Variants in SH3YL1 observed in about 807,000 individuals in gnomAD.
The protein encoded by SH3YL1 is SH3 and SYLF domain containing 1.
A neutral mutation model predicts 45.8 loss-of-function variants in SH3YL1; 41 were observed. The observed-to-expected ratio is 0.89, with a 90% CI of 0.70 to 1.16. SH3YL1 has a LOEUF of 1.16. Ranked by LOEUF, SH3YL1 falls within the 50% of genes most tolerant of loss-of-function variation. SH3YL1 has a pLI of 0.00. For missense variants in SH3YL1, 389 were observed against 409.6 expected (o/e 0.95, Z 0.43); for synonymous variants, 152 against 151.4 (o/e 1.00, Z -0.03).
rs535130880 is a variant in SH3YL1, at chr2:255,574, G to A, written c.2-2459C>T. 2.6e-5 allele frequency among the ~76,000 whole-genome samples: 4 copies of A among 152,328 alleles called. No individual in the cohort carries two copies. The South Asian group carries it at 6.2e-4, about 24-fold the overall frequency. On this transcript the variant is annotated intron_variant, in intron 1 of 9. Coordinates refer to ENST00000356150, the MANE Select transcript of SH3YL1 (RefSeq NM_015677.4). ...ACTGGGCTACTGCACTCCAGCCTGG[G>A]CAACAGGGCAAAGCCCTGCCTCAAA...
intron 4 of SH3YL1, among the ~76,000 whole-genome samples, chr2:234,598 C>T (rs540877051): frequency 4.6e-5 from 7 of 152,224 alleles, no homozygotes; most frequent in African/African-American, 1.7e-4. Flanking sequence ...TTAGGTAAAC[C>T]GTCAGTGCTA....
At chr2:242,741 C>CAAA (rs2103038742) in intron 4 of SH3YL1, 1 of 1,481,594 alleles carries the variant, frequency 6.7e-7, no homozygotes, top group East Asian at 2.7e-5. Flanking sequence ...ATAACAACAA[C>CAAA]AACAACAACA....
At chr2:222,717 G>T (rs1409427879) in intron 9 of SH3YL1, 1 of 152,284 alleles carries the variant, frequency 6.6e-6, no homozygotes, top group Non-Finnish European at 1.5e-5. Context: ...CTTCCAAAGG[G>T]CAAAGCCAAA....
intron 4 of SH3YL1, among the ~76,000 whole-genome samples, chr2:237,867 T>C (rs192786519): frequency 9.5e-4 from 145 of 152,240 alleles, no homozygotes; most frequent in African/African-American, 3.3e-3. Flanking sequence ...GATGCAAGTG[T>C]TTCAATTAAA....
intron 1 of SH3YL1, 111 bp from the exon 2 acceptor site, chr2:253,226 G>A: frequency 1.5e-6 from 1 of 652,924 alleles, no homozygotes; most frequent in Non-Finnish European, 2.6e-6. Flanking sequence ...TCAAACCAGA[G>A]GGACTCCATT....
chr2:234,938 C>T (rs971710473), intron 4 of SH3YL1, among the ~76,000 whole-genome samples: 4 of 152,108 alleles, frequency 2.6e-5, no homozygotes, highest in Non-Finnish European at 5.9e-5. Context: ...AGTGCAGTGG[C>T]GTGATCTGAG....
chr2:242,651 G>A, intron 4 of SH3YL1: 1 of 1,093,394 alleles, frequency 9.1e-7, no homozygotes, highest in East Asian at 3.2e-5. Flanking sequence ...TAAATCCAAT[G>A]ATATCAATAA....
chr2:247,750 A>C, intron 3 of SH3YL1, 148 bp from the exon 4 acceptor site: 1 of 620,964 alleles, frequency 1.6e-6, no homozygotes. Context: ...GATCTTCAAA[A>C]AGAATATGTA....
chr2:257,354 T>C (rs774240768), intron 1 of SH3YL1, among the ~76,000 whole-genome samples: 1 of 152,232 alleles, frequency 6.6e-6, no homozygotes, highest in Non-Finnish European at 1.5e-5. Flanking sequence ...CCAGAGTTTT[T>C]ACAGCTTTAG....
At chr2:249,246 G>T (rs1187706399) in intron 3 of SH3YL1, among the ~76,000 whole-genome samples, 1 of 152,156 alleles carries the variant, frequency 6.6e-6, no homozygotes, top group Non-Finnish European at 1.5e-5. Context: ...AAAACTCGAT[G>T]ATACTGCTCT....
chr2:262,587 A>AG (rs1396074600), intron 1 of SH3YL1: 2 of 1,303,828 alleles, frequency 1.5e-6, no homozygotes, highest in Non-Finnish European at 1.0e-6. Flanking sequence ...TCATGTGCTT[A>AG]GGTCTCAGAG....
chr2:260,908 G>C (rs142925487), intron 1 of SH3YL1: 1 of 151,768 alleles, frequency 6.6e-6, no homozygotes, highest in Non-Finnish European at 1.5e-5. Flanking sequence ...CTGTAAACAC[G>C]GGAAGAGAGC....
intron 6 of SH3YL1, among the ~76,000 whole-genome samples, chr2:231,411 T>A (rs1668037788): frequency 6.6e-6 from 1 of 152,202 alleles, no homozygotes; most frequent in African/African-American, 2.4e-5. Flanking sequence ...AATATCCTTA[T>A]ATGTATCCTT....
chr2:234,963 C>T (rs191179376), intron 4 of SH3YL1, among the ~76,000 whole-genome samples: 85 of 152,254 alleles, frequency 5.6e-4, no homozygotes, highest in Middle Eastern at 3.4e-3. Flanking sequence ...CTGCAACCTC[C>T]GCCTCCCGGG....
upstream of SH3YL1, chr2:264,734 C>T (rs185063363): frequency 1.9e-3 from 971 of 498,484 alleles, 8 homozygotes; most frequent in African/African-American, 0.018. Flanking sequence ...TGAACGGCGG[C>T]CCAGTCCCTG....
At chr2:219,069 G>A (rs2103013410) in intron 9 of SH3YL1, 68 bp from the exon 10 acceptor site, 1 of 1,362,624 alleles carries the variant, frequency 7.3e-7, no homozygotes, top group East Asian at 2.4e-5. Context: ...CTGCTGGTAA[G>A]ATAAAAATTA....
intron 4 of SH3YL1, 82 bp downstream of exon 4, chr2:247,456 G>A (rs1211712566): frequency 8.8e-7 from 1 of 1,136,114 alleles, no homozygotes; most frequent in Non-Finnish European, 1.3e-6. Context: ...AGAACGCTAG[G>A]AAACCTCTCA....
intron 1 of SH3YL1, among the ~76,000 whole-genome samples, chr2:257,859 G>A (rs1022835433): frequency 6.6e-6 from 1 of 152,198 alleles, no homozygotes; most frequent in Non-Finnish European, 1.5e-5. Context: ...TCCTGTTTCA[G>A]TCTTCTGTGT....
rs1439504947 is a variant in SH3YL1, at chr2:257,096, TGTTA to T, written c.2-3985_2-3982del. Reference sequence around the variant, plus strand: ...ACTTTAACGGAGTTGTTTTTTTGCTTGTTAATTTGTTTAAATTTCTTATAGATTC... The same window carrying T: ...ACTTTAACGGAGTTGTTTTTTTGCTTATTTGTTTAAATTTCTTATAGATTC... On this transcript the variant is annotated intron_variant, in intron 1 of 9. Transcript: ENST00000356150. Among the ~76,000 whole-genome samples the T allele has an allele frequency of 5.9e-5, 9 of 152,334 alleles. No homozygotes were observed. In the Middle Eastern group the frequency reaches 0.014, roughly 230 times the overall value.
Sources: gnomAD v4.1 joint callset for allele counts (sites outside exome capture counted in the v4.1 genomes callset) on GRCh38, gnomAD v4.1.1 for gene constraint, MANE v1.5 for transcripts, NCBI Gene and HGNC (gene_info 2026-07-23, HGNC 2026-07-21) for gene names.